The following AKAP6 variants were observed in gnomAD, a reference collection of about 807,000 sequenced individuals.
The protein encoded by AKAP6 is A-kinase anchor protein 6.
A neutral mutation model predicts 188.5 loss-of-function variants in AKAP6; 58 were observed. The ratio of observed to expected loss-of-function variants is 0.31; its 90% CI spans 0.25 to 0.38. AKAP6 has a LOEUF of 0.38. Among genes scored for constraint, AKAP6 ranks in the 10% least tolerant of loss-of-function variants. AKAP6 has a pLI of 1.00. For missense variants in AKAP6, 2,710 were observed against 2,740.0 expected, an observed-to-expected ratio of 0.99 and a Z score of 0.24; for synonymous variants, 989 against 998.6, an observed-to-expected ratio of 0.99 and a Z score of 0.18.
rs534564536 is a variant in AKAP6, at chr14:32,696,470, A to T, written c.3000+360A>T. Among the ~76,000 whole-genome samples, 3 of 152,346 alleles carry T rather than the reference A, an allele frequency of 2.0e-5. No individual in the cohort carries two copies. In the South Asian group the frequency reaches 6.2e-4, roughly 32 times the overall value. On this transcript the variant is annotated intron_variant, in intron 9 of 13. Transcript: ENST00000280979. ...AAAACGTGGTACGATTGGAGCACTCAGGTGGATTCTATCTACCCCTCAGAT... is the reference window on the plus strand; with the variant it reads ...AAAACGTGGTACGATTGGAGCACTCTGGTGGATTCTATCTACCCCTCAGAT...
At chr14:32,351,107 A>G (rs1368873925) in intron 1 of AKAP6, among the ~76,000 whole-genome samples, 1 of 152,174 alleles carries the variant, frequency 6.6e-6, no homozygotes, top group Non-Finnish European at 1.5e-5. Context: ...GAGAGAGAAT[A>G]TTGCTTCCAC....
In AKAP6 at chr14:32,762,476, A is replaced by T. The variant is rs562052722; in HGVS notation, c.3373-11202A>T. Among the ~76,000 whole-genome samples, 4 of 152,292 alleles carry T rather than the reference A, an allele frequency of 2.6e-5. No homozygotes were observed. In the South Asian group the frequency reaches 6.2e-4, roughly 24 times the overall value. ...ACTCTTAAAAACAAACATATTTAAA[A>T]GTATGTAACTTAGTTTAGGGAAAGT... On this transcript the variant is annotated intron_variant, in intron 11 of 13. Coordinates refer to ENST00000280979, the MANE Select transcript of AKAP6 (RefSeq NM_004274.5).
intron 11 of AKAP6, among the ~76,000 whole-genome samples, chr14:32,765,931 T>G (rs1054821549): frequency 6.6e-6 from 1 of 152,148 alleles, no homozygotes; most frequent in African/African-American, 2.4e-5. Flanking sequence ...ATATTTTCAT[T>G]GAGATATAAT....
At chr14:32,659,102 A>G (rs1345875970) in intron 7 of AKAP6, among the ~76,000 whole-genome samples, 1 of 152,134 alleles carries the variant, frequency 6.6e-6, no homozygotes, top group East Asian at 1.9e-4. Context: ...CAGTAAGTAC[A>G]TTTATTGACT....
intron 9 of AKAP6, among the ~76,000 whole-genome samples, chr14:32,696,449 CG>C (rs1281495641): frequency 6.6e-6 from 1 of 152,096 alleles, no homozygotes; most frequent in African/African-American, 2.4e-5. Flanking sequence ...TTTAACAAAA[CG>C]TGGTACGATT....
At chr14:32,592,245 A>C (rs998508468) in intron 5 of AKAP6, among the ~76,000 whole-genome samples, 9 of 152,218 alleles carry the variant, frequency 5.9e-5, no homozygotes, top group African/African-American at 2.2e-4. Context: ...TACAAAAATG[A>C]GTAAAATAAA....
intron 2 of AKAP6, among the ~76,000 whole-genome samples, chr14:32,488,117 G>C (rs188517277): frequency 5.2e-4 from 79 of 152,352 alleles, no homozygotes; most frequent in African/African-American, 1.8e-3. Flanking sequence ...GTCTGCTAAA[G>C]CTGCGCCCAC....
chr14:32,780,521 G>A (rs1469990862), intron 12 of AKAP6, among the ~76,000 whole-genome samples: 1 of 152,144 alleles, frequency 6.6e-6, no homozygotes, highest in Non-Finnish European at 1.5e-5. Flanking sequence ...AAAACATCAT[G>A]TCGTACACAA....
rs192356145 is a variant in AKAP6 at position 32,660,600 on chromosome 14, C to T, written c.2731-17711C>T. On this transcript the variant is annotated intron_variant, in intron 7 of 13. Transcript: ENST00000280979. ...CTGGCCAAATGAATTATGGAACATT[C>T]ATTTGTTTCCCCCCAGGTTCTAAAT... 1.3e-3 allele frequency among the ~76,000 whole-genome samples: 203 copies of T among 152,142 alleles called. 1 individual carries two copies. The highest frequency in any genetic ancestry group is 4.6e-3 in the African/African-American group (192 of 41,532).
chr14:32,427,908 C>T (rs1354550785), intron 1 of AKAP6, among the ~76,000 whole-genome samples: 1 of 152,170 alleles, frequency 6.6e-6, no homozygotes. Flanking sequence ...GTTAATTTGA[C>T]TAGAATTATG....
intron 13 of AKAP6, 60 bp downstream of exon 13, chr14:32,824,875 C>T: frequency 7.2e-7 from 1 of 1,385,498 alleles, no homozygotes; most frequent in African/African-American, 1.5e-5. Flanking sequence ...TCAGCAAAAC[C>T]ATGGCAGGAG....
intron 3 of AKAP6, among the ~76,000 whole-genome samples, chr14:32,536,367 A>G (rs1001802764): frequency 6.6e-6 from 1 of 152,240 alleles, no homozygotes; most frequent in African/African-American, 2.4e-5. Context: ...GGCAGAGGAC[A>G]TGGCATTATC....
chr14:32,514,750 G>A (rs1014346501), intron 2 of AKAP6, among the ~76,000 whole-genome samples: 1 of 152,210 alleles, frequency 6.6e-6, no homozygotes, highest in Non-Finnish European at 1.5e-5. Context: ...GGTATAGGGA[G>A]TTGAAAATGA....
intron 7 of AKAP6, among the ~76,000 whole-genome samples, chr14:32,668,880 A>G (rs965445744): frequency 6.6e-6 from 1 of 152,118 alleles, no homozygotes; most frequent in Admixed American, 6.5e-5. Flanking sequence ...ATATTGAAAT[A>G]ACTTTGATAT....
chr14:32,790,542 G>A (rs930590092), intron 12 of AKAP6, among the ~76,000 whole-genome samples: 2 of 152,170 alleles, frequency 1.3e-5, no homozygotes, highest in Admixed American at 6.5e-5. Context: ...AACCCTACAA[G>A]TCAGAAGAGA....
rs1889709237 is a variant in AKAP6, at chr14:32,417,740, AG to A, written c.-34-15719del. ...ATGTTATTTTGCACATTTGACACAG[AG>A]AAAAGTCATATTCTTCAGGCTTTTT... On this transcript the variant is annotated intron_variant, in intron 1 of 13. Coordinates refer to ENST00000280979, the MANE Select transcript of AKAP6 (RefSeq NM_004274.5). 2 of 152,174 alleles carry A rather than the reference AG, an allele frequency of 1.3e-5. 1 individual carries two copies. The highest frequency in any genetic ancestry group is 2.9e-5 in the Non-Finnish European group (2 of 68,042). 9.4% of individuals were successfully genotyped at this position (152,174 alleles called of 1,614,324 possible). A position where few individuals can be genotyped will look rare whatever the true frequency, so the allele number is the denominator to read the frequency against.
intron 4 of AKAP6, among the ~76,000 whole-genome samples, chr14:32,559,410 T>A (rs1883831854): frequency 1.3e-5 from 2 of 152,224 alleles, no homozygotes; most frequent in South Asian, 4.1e-4. Flanking sequence ...TTATGTGACA[T>A]CTCCCAATTT....
chr14:32,565,400 A>G (rs998426402), intron 4 of AKAP6, among the ~76,000 whole-genome samples: 2 of 152,212 alleles, frequency 1.3e-5, no homozygotes, highest in Non-Finnish European at 2.9e-5. Context: ...CAGTCATCCC[A>G]GATTCTAACA....
intron 4 of AKAP6, among the ~76,000 whole-genome samples, chr14:32,565,888 A>G (rs1038899959): frequency 6.6e-6 from 1 of 152,112 alleles, no homozygotes; most frequent in African/African-American, 2.4e-5. Context: ...AGTCCCCTCT[A>G]TTCTTTTTCT....
Sources: gnomAD v4.1 joint callset for allele counts (sites outside exome capture counted in the v4.1 genomes callset) on GRCh38, gnomAD v4.1.1 for gene constraint, MANE v1.5 for transcripts, NCBI Gene and HGNC (gene_info 2026-07-23, HGNC 2026-07-21) for gene names.